The following TMEM132D variants were observed in gnomAD, a reference collection of about 807,000 sequenced individuals.
TMEM132D encodes transmembrane protein 132D, also known as mature OL transmembrane protein.
A neutral mutation model predicts 62.3 loss-of-function variants in TMEM132D; 21 were observed. That is an observed-to-expected ratio of 0.34 (90% confidence interval 0.24 to 0.49). The LOEUF (loss-of-function observed/expected upper bound fraction) is 0.49. Among genes scored for constraint, TMEM132D ranks in the 20% least tolerant of loss-of-function variants. The pLI is 0.99. For synonymous variants in TMEM132D, 621 were observed against 575.6 expected, an observed-to-expected ratio of 1.08 and a Z score of -1.13; for missense variants, 1,346 against 1,402.8, an observed-to-expected ratio of 0.96 and a Z score of 0.65.
At chr12:129,128,238 T>C (rs1876272491) in intron 5 of TMEM132D, among the ~76,000 whole-genome samples, 1 of 152,184 alleles carries the variant, frequency 6.6e-6, no homozygotes, top group African/African-American at 2.4e-5. Flanking sequence ...TTTTCCCAAA[T>C]ATTTTTATTT....
chr12:129,412,877 A>C (rs1203317081), intron 3 of TMEM132D, among the ~76,000 whole-genome samples: 1 of 152,158 alleles, frequency 6.6e-6, no homozygotes, highest in Non-Finnish European at 1.5e-5. Flanking sequence ...ACAACACATG[A>C]GGAAGAAAGC....
intron 3 of TMEM132D, among the ~76,000 whole-genome samples, chr12:129,418,022 A>C (rs1364394811): frequency 6.6e-6 from 1 of 152,248 alleles, no homozygotes. Flanking sequence ...GCCAGTTAGA[A>C]AGGCGATCAT....
chr12:129,134,268 T>C (rs535348532), intron 5 of TMEM132D, among the ~76,000 whole-genome samples: 3 of 152,108 alleles, frequency 2.0e-5, no homozygotes, highest in Non-Finnish European at 4.4e-5. Context: ...AGGAAAGTGT[T>C]CTCAAAACCC....
intron 5 of TMEM132D, among the ~76,000 whole-genome samples, chr12:129,165,117 A>G (rs1877507078): frequency 6.6e-6 from 1 of 152,254 alleles, no homozygotes; most frequent in African/African-American, 2.4e-5. Flanking sequence ...GAAGCCCTCC[A>G]TATGCACCGA....
At chr12:129,352,715 C>T (rs1219916503) in intron 3 of TMEM132D, among the ~76,000 whole-genome samples, 1 of 152,068 alleles carries the variant, frequency 6.6e-6, no homozygotes, top group African/African-American at 2.4e-5. Flanking sequence ...AATGAGATAC[C>T]ATCTCATGCC....
chr12:129,651,952 C>T (rs528048303), intron 2 of TMEM132D, among the ~76,000 whole-genome samples: 1 of 152,258 alleles, frequency 6.6e-6, no homozygotes, highest in South Asian at 2.1e-4. Context: ...GTTCTGACAA[C>T]CTACTTAGAA....
intron 1 of TMEM132D, among the ~76,000 whole-genome samples, chr12:129,713,136 C>T (rs776004001): frequency 2.0e-5 from 3 of 152,112 alleles, no homozygotes; most frequent in African/African-American, 4.8e-5. Context: ...CACCTGGGAA[C>T]GCGCTAGGAT....
At chr12:129,473,575 C>T (rs1199448462) in intron 3 of TMEM132D, among the ~76,000 whole-genome samples, 1 of 152,036 alleles carries the variant, frequency 6.6e-6, no homozygotes, top group East Asian at 1.9e-4. Context: ...CAGTGATCTG[C>T]CCGCCTCGGC....
intron 2 of TMEM132D, among the ~76,000 whole-genome samples, chr12:129,613,058 T>A (rs1358405816): frequency 6.6e-6 from 1 of 152,236 alleles, no homozygotes; most frequent in Non-Finnish European, 1.5e-5. Flanking sequence ...TTCTATTTAA[T>A]AACTTGCCAA....
intron 1 of TMEM132D, among the ~76,000 whole-genome samples, chr12:129,818,988 T>C (rs944799970): frequency 1.1e-4 from 16 of 151,790 alleles, no homozygotes; most frequent in African/African-American, 3.4e-4. Flanking sequence ...TGAGCTAGGA[T>C]TGCACCACTG....
In TMEM132D at chr12:129,073,854, C is replaced by T. The variant is rs200525995; in HGVS notation, c.*21G>A. ...TAAAGGCTGAAAGGTGAGTGAGAAC[C>T]AATGTCTGTGTGTGTCTGGCTTACA... is the stretch of plus-strand genomic sequence containing the variant. On this transcript the variant is annotated 3_prime_UTR_variant, in exon 9 of 9. Transcript: ENST00000422113. The T allele has an allele frequency of 6.6e-7, 1 of 1,514,400 alleles. No individual in the cohort carries two copies. The highest frequency in any genetic ancestry group is 1.3e-5 in the South Asian group (1 of 74,314). The allele number at this position is 1,514,400 out of a possible 1,614,324, so 93.8% of individuals were successfully genotyped here.
At chr12:129,428,069 A>C (rs966058063) in intron 3 of TMEM132D, among the ~76,000 whole-genome samples, 1 of 152,204 alleles carries the variant, frequency 6.6e-6, no homozygotes, top group South Asian at 2.1e-4. Flanking sequence ...CACAAAATCC[A>C]TAAAGAGAAG....
intron 4 of TMEM132D, among the ~76,000 whole-genome samples, chr12:129,275,982 G>A (rs940127402): frequency 6.6e-6 from 1 of 152,198 alleles, no homozygotes; most frequent in Non-Finnish European, 1.5e-5. Flanking sequence ...TGTTTAGCAG[G>A]AGTTCAATCT....
intron 1 of TMEM132D, among the ~76,000 whole-genome samples, chr12:129,792,158 C>T (rs1340327916): frequency 6.6e-6 from 1 of 152,158 alleles, no homozygotes; most frequent in Non-Finnish European, 1.5e-5. Flanking sequence ...CCACTGTCAA[C>T]GATGCTCTTG....
intron 1 of TMEM132D, among the ~76,000 whole-genome samples, chr12:129,721,402 G>A (rs931894904): frequency 1.3e-5 from 2 of 152,148 alleles, no homozygotes; most frequent in African/African-American, 4.8e-5. Flanking sequence ...CTTTCTCTTG[G>A]TGCCCAGAAA....
intron 1 of TMEM132D, among the ~76,000 whole-genome samples, chr12:129,897,639 C>T (rs1875189676): frequency 6.6e-6 from 1 of 152,230 alleles, no homozygotes; most frequent in Admixed American, 6.5e-5. Flanking sequence ...AGAATCTCTT[C>T]TACCTCCCTG....
chr12:129,150,604 C>T (rs887310556), intron 5 of TMEM132D, among the ~76,000 whole-genome samples: 2 of 152,182 alleles, frequency 1.3e-5, no homozygotes, highest in Non-Finnish European at 2.9e-5. Context: ...CCCAGGTGAC[C>T]AGCAGGAGGG....
chr12:129,137,377 C>T (rs1474507169), intron 5 of TMEM132D, among the ~76,000 whole-genome samples: 1 of 152,186 alleles, frequency 6.6e-6, no homozygotes, highest in Non-Finnish European at 1.5e-5. Flanking sequence ...CCCTGAAAAT[C>T]TTACACTACA....
chr12:129,380,059 A>G (rs1870893651), intron 3 of TMEM132D, among the ~76,000 whole-genome samples: 1 of 152,226 alleles, frequency 6.6e-6, no homozygotes, highest in Non-Finnish European at 1.5e-5. Context: ...AAAATAAAAC[A>G]TGGTGTCATA....
Sources: allele counts gnomAD v4.1 joint callset (sites outside exome capture counted in the v4.1 genomes callset), GRCh38; gene constraint gnomAD v4.1.1; transcripts MANE v1.5; gene names NCBI Gene and HGNC (gene_info 2026-07-23, HGNC 2026-07-21).